The following ACOX3 variants were observed in gnomAD, a reference collection of about 807,000 sequenced individuals.
The protein encoded by ACOX3 is peroxisomal acyl-coenzyme A oxidase 3.
A neutral mutation model predicts 81.5 loss-of-function variants in ACOX3; 73 were observed. The ratio of observed to expected loss-of-function variants is 0.90; its 90% CI spans 0.74 to 1.09. The LOEUF (loss-of-function observed/expected upper bound fraction) is 1.09. Among genes scored for constraint, ACOX3 ranks in the 50% least tolerant of loss-of-function variants. ACOX3 has a pLI of 0.00. For synonymous variants in ACOX3, 387 were observed against 375.1 expected (o/e 1.03, Z -0.37); for missense variants, 947 against 928.0 (o/e 1.02, Z -0.27).
Position 8,389,560 on chromosome 4 carries a change from C to G in ACOX3, c.1423+52G>C, listed in dbSNP as rs1718711297. 6.2e-7 allele frequency: 1 copy of G among 1,610,746 alleles called. No individual in the cohort carries two copies. Among genetic ancestry groups the G allele is most frequent in the South Asian group, 1.1e-5 (1 of 90,718 alleles). Reference sequence around the variant, plus strand: ...AATCAGTGAGGCCAGGAGAACCCACCCCTGCCCCAGTTGGGTTCCAGCGCC... The same window carrying G: ...AATCAGTGAGGCCAGGAGAACCCACGCCTGCCCCAGTTGGGTTCCAGCGCC... On this transcript the variant is annotated intron_variant, in intron 12 of 17. Coordinates refer to ENST00000356406, the MANE Select transcript of ACOX3 (RefSeq NM_003501.3). The surrounding 1 kb of genome is among the most constrained non-coding windows in gnomAD (Gnocchi z 5.3).
In ACOX3 at chr4:8,420,162, G is replaced by A. The variant is rs116445938; in HGVS notation, c.-14-3627C>T. On this transcript the variant is annotated intron_variant, in intron 1 of 17. Transcript: ENST00000356406. Reference sequence around the variant, plus strand: ...GGTCATACAACTATTATCAAGCACAGCTGGCTCCAAATCCCCAGATCCTAA... The same window carrying A: ...GGTCATACAACTATTATCAAGCACAACTGGCTCCAAATCCCCAGATCCTAA... Among the ~76,000 whole-genome samples, 590 of 152,316 alleles carry A rather than the reference G, an allele frequency of 3.9e-3. 4 individuals carry two copies. Among genetic ancestry groups the A allele is most frequent in the African/African-American group, 0.014 (572 of 41,564 alleles).
At chr4:8,435,070 A>G (rs369083168) in intron 1 of ACOX3, among the ~76,000 whole-genome samples, 199 of 152,382 alleles carry the variant, frequency 1.3e-3, no homozygotes, top group African/African-American at 4.5e-3. Context: ...GAAGAAAAAT[A>G]AAAGGAAAGT....
chr4:8,360,599 G>A, the ACOX3 span, among the ~76,000 whole-genome samples: 1 of 151,882 alleles, frequency 6.6e-6, no homozygotes, highest in South Asian at 2.1e-4. Context: ...AGCCTCCCGA[G>A]TAGGTGGGAC....
At chr4:8,356,757 G>A in the ACOX3 span, 1 of 456,520 alleles carries the variant, frequency 2.2e-6, no homozygotes, top group Non-Finnish European at 4.4e-6. Context: ...GCAGAATGGT[G>A]CACGCCAACA....
chr4:8,393,641 A>ACG (rs1719326689), intron 10 of ACOX3, among the ~76,000 whole-genome samples: 1 of 52,942 alleles, frequency 1.9e-5, no homozygotes, highest in Non-Finnish European at 4.3e-5. Flanking sequence ...ACACACGCAC[A>ACG]CACACACACA....
chr4:8,377,370 G>C (rs541895043), intron 14 of ACOX3, among the ~76,000 whole-genome samples: 6 of 152,242 alleles, frequency 3.9e-5, no homozygotes, highest in Admixed American at 6.5e-5. Flanking sequence ...GACATGCTGC[G>C]GGGGCCAGAA....
chr4:8,396,892 A>G, intron 9 of ACOX3, 45 bp downstream of exon 9: 1 of 1,583,558 alleles, frequency 6.3e-7, no homozygotes, highest in Non-Finnish European at 8.6e-7. Context: ...GTGAATTTGC[A>G]TATAAAATAG....
chr4:8,421,061 T>G (rs1722888290), intron 1 of ACOX3, among the ~76,000 whole-genome samples: 1 of 152,228 alleles, frequency 6.6e-6, no homozygotes, highest in African/African-American at 2.4e-5. Flanking sequence ...GCAAGAGGTT[T>G]GCTGCCATTT....
chr4:8,407,110 C>T lies in ACOX3; in HGVS notation c.688-1067G>A, dbSNP rs1721073724. ...GCTAGACCAAGGAGCCCTCTGGTGG[C>T]CCTGTCTGGGCATAACAGAAGGCTC... On this transcript the variant is annotated intron_variant, in intron 6 of 17. Coordinates refer to ENST00000356406, the MANE Select transcript of ACOX3 (RefSeq NM_003501.3). The surrounding 1 kb of genome is among the most constrained non-coding windows in gnomAD (Gnocchi z 4.6). Among the ~76,000 whole-genome samples, 1 of 152,204 alleles carries T rather than the reference C, an allele frequency of 6.6e-6. No homozygotes were observed.
At chr4:8,367,108 A>G in intron 17 of ACOX3, 28 bp from the exon 18 acceptor site, 1 of 1,606,212 alleles carries the variant, frequency 6.2e-7, no homozygotes, top group Middle Eastern at 1.7e-4. Context: ...ACAGCAAGTG[A>G]AGACAAAGAA....
intron 1 of ACOX3, among the ~76,000 whole-genome samples, chr4:8,434,740 T>A (rs1418185545): frequency 6.6e-6 from 1 of 152,258 alleles, no homozygotes; most frequent in Admixed American, 6.5e-5. Flanking sequence ...TTGGTTTTTG[T>A]TTTTGACTTG....
At chr4:8,373,213 C>T (rs1053079562) in intron 16 of ACOX3, among the ~76,000 whole-genome samples, 5 of 152,100 alleles carry the variant, frequency 3.3e-5, no homozygotes, top group African/African-American at 9.7e-5. Context: ...GGAGACGCCC[C>T]GACAGGTTTC....
chr4:8,377,569 C>A (rs575152711), intron 14 of ACOX3, among the ~76,000 whole-genome samples: 1 of 152,318 alleles, frequency 6.6e-6, no homozygotes, highest in East Asian at 1.9e-4. Context: ...GAAGCGCCTG[C>A]GATGGCAGCT....
chr4:8,359,102 G>A, the ACOX3 span, among the ~76,000 whole-genome samples: 4 of 152,052 alleles, frequency 2.6e-5, no homozygotes, highest in Admixed American at 6.6e-5. The surrounding 1 kb of genome is among the most constrained non-coding windows in gnomAD (Gnocchi z 6.0). Flanking sequence ...TCTTTCTGGC[G>A]ACCACAGAAG....
chr4:8,420,867 G>C (rs1368049566), intron 1 of ACOX3, among the ~76,000 whole-genome samples: 1 of 152,226 alleles, frequency 6.6e-6, no homozygotes, highest in African/African-American at 2.4e-5. Flanking sequence ...AATCGGGCTA[G>C]AGGCTCACCA....
intron 7 of ACOX3, among the ~76,000 whole-genome samples, chr4:8,404,653 C>T (rs1720732983): frequency 6.6e-6 from 1 of 152,162 alleles, no homozygotes; most frequent in Non-Finnish European, 1.5e-5. Context: ...GAGGTTTCTC[C>T]ATCGCTGAGC....
Position 8,373,646 on chromosome 4 carries a change from G to A in ACOX3, c.1829-18C>T, listed in dbSNP as rs1440035169. ...GTATCCTCCTGCAAGCACAGCCTCG[G>A]TCACATGGGGGCTGGGTCCAGTCCA... On this transcript the variant is annotated intron_variant, in intron 15 of 17. Coordinates refer to ENST00000356406, the MANE Select transcript of ACOX3 (RefSeq NM_003501.3). 3.1e-6 allele frequency: 5 copies of A among 1,606,646 alleles called. No homozygotes were observed. The African/African-American group carries it at 4.0e-5, about 13-fold the overall frequency.
chr4:8,367,731 A>G (rs1334122333), intron 17 of ACOX3, among the ~76,000 whole-genome samples: 1 of 130,328 alleles, frequency 7.7e-6, no homozygotes, highest in Non-Finnish European at 1.6e-5. Context: ...GCACTCTGGG[A>G]GGCTGAGGAA....
Position 8,389,312 on chromosome 4 carries a change from G to C in ACOX3, c.1424-26C>G, listed in dbSNP as rs554082211. 1.3e-6 allele frequency: 2 copies of C among 1,595,988 alleles called. No individual in the cohort carries two copies. The highest frequency in any genetic ancestry group is 1.3e-5 in the African/African-American group (1 of 74,644). ...CTAGGACACACATTCCAGTGACTTT[G>C]GTGGAAGACAGGAACCCAAACCATT... On this transcript the variant is annotated intron_variant, in intron 12 of 17. Coordinates refer to ENST00000356406, the MANE Select transcript of ACOX3 (RefSeq NM_003501.3). This position sits in a 1 kb window ranked among gnomAD's most constrained non-coding sequence, Gnocchi z 5.3.
Sources: gnomAD v4.1 joint callset for allele counts (sites outside exome capture counted in the v4.1 genomes callset) on GRCh38, gnomAD v4.1.1 for gene constraint, Gnocchi (gnomAD v3.1) non-coding constraint, MANE v1.5 for transcripts, NCBI Gene and HGNC (gene_info 2026-07-23, HGNC 2026-07-21) for gene names.